Variants in AHCTF1 observed in about 807,000 individuals in gnomAD.
AHCTF1 encodes the protein AT-hook containing transcription factor 1, also known as protein ELYS.
In AHCTF1, 24 loss-of-function variants were observed where a neutral mutation model predicts 248.4. That is an observed-to-expected ratio of 0.10 (90% CI 0.07 to 0.14). AHCTF1 has a LOEUF of 0.14. Among genes scored for constraint, AHCTF1 ranks in the 10% least tolerant of loss-of-function variants. The pLI, the probability that AHCTF1 is intolerant of heterozygous loss-of-function variation, is 1.00. For synonymous variants in AHCTF1, 786 were observed against 929.8 expected (o/e 0.85, Z 2.81); for missense variants, 2,206 against 2,636.2 (o/e 0.84, Z 3.57).
chr1:246,917,627 T>C (rs1666237236), intron 2 of AHCTF1, among the ~76,000 whole-genome samples: 1 of 152,186 alleles, frequency 6.6e-6, no homozygotes, highest in African/African-American at 2.4e-5. Flanking sequence ...CTTTTAACAT[T>C]CAAGAGAATG....
intron 21 of AHCTF1, among the ~76,000 whole-genome samples, chr1:246,880,717 G>C (rs1179745729): frequency 6.6e-6 from 1 of 152,056 alleles, no homozygotes; most frequent in Non-Finnish European, 1.5e-5. Context: ...ACAAATGACA[G>C]ATGATAATGT....
At chr1:246,879,255 C>G (rs1397863032) in intron 21 of AHCTF1, among the ~76,000 whole-genome samples, 2 of 151,884 alleles carry the variant, frequency 1.3e-5, no homozygotes, top group African/African-American at 4.8e-5. Context: ...CCATTTTTAC[C>G]CATGAGATGA....
chr1:246,885,994 C>T (rs1157526900), intron 20 of AHCTF1, among the ~76,000 whole-genome samples: 5 of 152,132 alleles, frequency 3.3e-5, no homozygotes, highest in Admixed American at 3.3e-4. Flanking sequence ...CAAAACCAGC[C>T]TGGGCAACAT....
intron 4 of AHCTF1, among the ~76,000 whole-genome samples, chr1:246,908,658 T>C (rs1371228253): frequency 7.6e-5 from 11 of 144,674 alleles, no homozygotes; most frequent in Non-Finnish European, 3.0e-5. Context: ...AAGGCCAAGG[T>C]GGGCGGATCA....
At position 246,916,256 on chromosome 1, in the gene AHCTF1, A is replaced by T; in HGVS notation, c.261T>A (p.Ser87=). 1.9e-6 allele frequency: 3 copies of T among 1,610,014 alleles called. No homozygotes were observed. Among genetic ancestry groups the T allele is most frequent in the East Asian group, 4.5e-5 (2 of 44,854 alleles). The stretch of plus-strand genomic sequence containing the variant: ...TTAATAATCCAGTTCTCTTCTGCCA[A>T]GAGAATTCTTTCACAGCTAAAACTA... The part of the protein sequence containing the change: ...PPVVLAVKEF[S]WQKRTGLLIG... Residue 87 remains serine (S), a synonymous_variant, in exon 3 of 36, where the codon TCT becomes TCA. Transcript: ENST00000648844.
At chr1:246,860,187 T>A (rs1262503246) in intron 29 of AHCTF1, among the ~76,000 whole-genome samples, 1 of 30,622 alleles carries the variant, frequency 3.3e-5, no homozygotes. Flanking sequence ...TTGAACCTGG[T>A]TGGGGGGGGG....
At chr1:246,896,518 G>A (rs1300485316) in intron 12 of AHCTF1, among the ~76,000 whole-genome samples, 2 of 152,168 alleles carry the variant, frequency 1.3e-5, no homozygotes, top group African/African-American at 4.8e-5. Context: ...ATAAAGACAG[G>A]AAAGTAGATT....
intron 4 of AHCTF1, among the ~76,000 whole-genome samples, chr1:246,912,132 G>A (rs1665848402): frequency 6.6e-6 from 1 of 151,900 alleles, no homozygotes; most frequent in African/African-American, 2.4e-5. Flanking sequence ...ATCTATTTCT[G>A]AGCTGCTCCA....
rs1167952482 is a variant in AHCTF1, at chr1:246,918,407, T to C, written c.-7-30A>G. On this transcript the variant is annotated intron_variant, in intron 1 of 35. Transcript: ENST00000648844. ...AAATATTTTTAAAAGAAAACATTAT[T>C]ATGACACATTTGTAGACAATATACT... 6 of 1,591,040 alleles carry C rather than the reference T, an allele frequency of 3.8e-6. No individual in the cohort carries two copies. The South Asian group carries it at 4.6e-5, about 12-fold the overall frequency.
At chr1:246,857,900 G>T in intron 29 of AHCTF1, 86 bp from the exon 30 acceptor site, 2 of 1,266,040 alleles carry the variant, frequency 1.6e-6, no homozygotes, top group Middle Eastern at 2.2e-4. Flanking sequence ...TTAAAAAGTT[G>T]TTGGGTCTGC....
At chr1:246,886,052 A>C (rs767442042) in intron 20 of AHCTF1, among the ~76,000 whole-genome samples, 1 of 152,074 alleles carries the variant, frequency 6.6e-6, no homozygotes, top group Non-Finnish European at 1.5e-5. Context: ...TTAAACAAAA[A>C]AAGTGCAGTG....
intron 29 of AHCTF1, among the ~76,000 whole-genome samples, 173 bp from the exon 30 acceptor site, chr1:246,857,987 T>C (rs1661227569): frequency 6.9e-6 from 1 of 145,308 alleles, no homozygotes; most frequent in South Asian, 2.2e-4. Context: ...TGAGATGGAG[T>C]CTTGCTGTGT....
intron 1 of AHCTF1, among the ~76,000 whole-genome samples, chr1:246,921,607 T>C (rs1009950119): frequency 6.6e-6 from 1 of 152,088 alleles, no homozygotes; most frequent in African/African-American, 2.4e-5. Flanking sequence ...GCAATATATT[T>C]CCCAGATTTA....
In AHCTF1 at chr1:246,849,637, T is replaced by C. The variant is rs371948895; in HGVS notation, c.6369A>G (p.Ser2123=). 1.2e-5 allele frequency: 19 copies of C among 1,609,640 alleles called. No homozygotes were observed. Among genetic ancestry groups the C allele is most frequent in the Non-Finnish European group, 1.5e-5 (18 of 1,176,970 alleles). The change falls in exon 33 of 36, where the codon TCA becomes TCG. Residue 2123 remains serine (S), a synonymous_variant. Transcript: ENST00000648844. Reference sequence around the variant, plus strand: ...TACCTTTTGCTTTCCTTGGAACTTCTGACGCTGGAGAAAATAAAGGCTCAT... The same window carrying C: ...TACCTTTTGCTTTCCTTGGAACTTCCGACGCTGGAGAAAATAAAGGCTCAT... ...PNNEPLFSPA[S]EVPRKAKAKK... is the part of the protein sequence containing the mutation.
chr1:246,890,754 T>C (rs1167499929), intron 16 of AHCTF1, among the ~76,000 whole-genome samples: 1 of 152,108 alleles, frequency 6.6e-6, no homozygotes, highest in Non-Finnish European at 1.5e-5. Context: ...CCAATAAACA[T>C]GTATGAGCAC....
intron 1 of AHCTF1, among the ~76,000 whole-genome samples, chr1:246,922,332 C>T (rs1666600135): frequency 2.6e-5 from 4 of 152,072 alleles, no homozygotes; most frequent in Admixed American, 1.3e-4. Context: ...TGCACTCCAG[C>T]GCGGGTGACA....
intron 1 of AHCTF1, among the ~76,000 whole-genome samples, chr1:246,927,485 T>G (rs879944278): frequency 7.9e-5 from 12 of 152,034 alleles, no homozygotes; most frequent in Non-Finnish European, 1.8e-4. Context: ...CCTGACTGTC[T>G]CAAAAAGAAA....
At chr1:246,909,079 A>G (rs951926252) in intron 4 of AHCTF1, among the ~76,000 whole-genome samples, 2 of 143,242 alleles carry the variant, frequency 1.4e-5, no homozygotes, top group Non-Finnish European at 3.0e-5. Flanking sequence ...ATATATATCT[A>G]TATCTATCTA....
chr1:246,858,997 CAAGAG>C (rs1160243074), intron 29 of AHCTF1, among the ~76,000 whole-genome samples: 2 of 152,000 alleles, frequency 1.3e-5, no homozygotes, highest in East Asian at 3.9e-4. Flanking sequence ...GAGGCTGAGG[CAAGAG>C]AAGAGGTTGC....
Sources: gnomAD v4.1 joint callset for allele counts (sites outside exome capture counted in the v4.1 genomes callset) on GRCh38, gnomAD v4.1.1 for gene constraint, MANE v1.5 for transcripts, NCBI Gene and HGNC (gene_info 2026-07-23, HGNC 2026-07-21) for gene names.